PLCE1: variants seen among roughly 807,000 people sequenced by gnomAD.
PLCE1 encodes phospholipase C epsilon 1.
PLCE1 carries 119 observed loss-of-function variants against 242.8 expected under a neutral mutation model. The ratio of observed to expected loss-of-function variants is 0.49; its 90% CI spans 0.42 to 0.57. PLCE1 has a LOEUF of 0.57. PLCE1 is among the 20% of genes least tolerant of loss of function. The pLI is 0.00. For missense variants in PLCE1, 2,441 were observed against 2,788.8 expected (o/e 0.88, Z 2.81); for synonymous variants, 945 against 1,017.4 (o/e 0.93, Z 1.35).
At chr10:94,074,513 T>C (rs2044448780) in intron 2 of PLCE1, among the ~76,000 whole-genome samples, 1 of 152,226 alleles carries the variant, frequency 6.6e-6, no homozygotes, top group African/African-American at 2.4e-5. Flanking sequence ...TTCTACCAGT[T>C]GATCAGAGTT....
At chr10:94,059,049 C>A (rs1050327267) in intron 2 of PLCE1, among the ~76,000 whole-genome samples, 2 of 151,964 alleles carry the variant, frequency 1.3e-5, no homozygotes, top group African/African-American at 4.8e-5. Context: ...TATGTCAGAC[C>A]CACAAAGTTG....
intron 1 of PLCE1, among the ~76,000 whole-genome samples, chr10:94,027,588 A>G (rs1232642652): frequency 1.3e-5 from 2 of 152,124 alleles, no homozygotes; most frequent in African/African-American, 2.4e-5. Context: ...TCGGGAAGCC[A>G]AGGTGGGCGG....
intron 1 of PLCE1, among the ~76,000 whole-genome samples, chr10:94,029,961 T>C (rs1382286776): frequency 3.3e-5 from 5 of 152,186 alleles, no homozygotes; most frequent in African/African-American, 9.6e-5. Context: ...ATTTTTTTGA[T>C]TCCCTCTCTC....
chr10:94,226,379 C>T lies in PLCE1; in HGVS notation c.1810-927C>T, dbSNP rs112746435. 3.2e-3 allele frequency among the ~76,000 whole-genome samples: 482 copies of T among 152,270 alleles called. 1 individual carries two copies. Among genetic ancestry groups the T allele is most frequent in the African/African-American group, 5.1e-3 (211 of 41,558 alleles). ...CAAACCTAGGCTTTGCTACCTTCAA[C>T]GTGGTTGAAGACCTTACACACATCC... On this transcript the variant is annotated intron_variant, in intron 4 of 32. Coordinates refer to ENST00000371380, the MANE Select transcript of PLCE1 (RefSeq NM_016341.4).
Position 94,235,062 on chromosome 10 carries a change from T to TCACACACACACACACA in PLCE1, c.2214+773_2214+788dup, listed in dbSNP as rs3222767. Among the ~76,000 whole-genome samples the TCACACACACACACACA allele has an allele frequency of 2.6e-3, 346 of 135,526 alleles. 1 individual carries two copies. The highest frequency in any genetic ancestry group is 8.4e-3 in the African/African-American group (294 of 35,006). 88.9% of individuals were successfully genotyped at this position (135,526 alleles called of 152,430 possible). A position where few individuals can be genotyped will look rare whatever the true frequency, so the allele number is the denominator to read the frequency against. The stretch of plus-strand genomic sequence containing the variant: ...GATGACAGAACCTACTACTGACCTT[T>TCACACACACACACACA]CACACACACACACACACACACACAC... On this transcript the variant is annotated intron_variant, in intron 6 of 32. Coordinates refer to ENST00000371380, the MANE Select transcript of PLCE1 (RefSeq NM_016341.4).
chr10:94,071,495 GT>G (rs559496577), intron 2 of PLCE1, among the ~76,000 whole-genome samples: 48 of 83,308 alleles, frequency 5.8e-4, no homozygotes, highest in Admixed American at 1.4e-3. Context: ...TTTGGTTTTC[GT>G]TTTTTTTTTT....
chr10:94,250,318 A>G (rs939356366), intron 8 of PLCE1, among the ~76,000 whole-genome samples: 2 of 152,038 alleles, frequency 1.3e-5, no homozygotes, highest in African/African-American at 4.8e-5. Flanking sequence ...CCTGGCCAAC[A>G]TGGTGAAACT....
At position 94,305,430 on chromosome 10, in the gene PLCE1, G is replaced by A. The variant is rs117832048; in HGVS notation, c.5622+785G>A. On this transcript the variant is annotated intron_variant, in intron 25 of 32. Transcript: ENST00000371380. ...AGCCTGTGTGACAGAGTGAGACTCC[G>A]TTTCAACAAAACAAAACAACAACAG... Among the ~76,000 whole-genome samples the A allele has an allele frequency of 1.3e-3, 204 of 152,188 alleles. 7 individuals carry two copies. In the East Asian group the frequency reaches 0.029, roughly 22 times the overall value.
At chr10:94,302,596 T>A (rs1214445271) in intron 24 of PLCE1, among the ~76,000 whole-genome samples, 1 of 152,126 alleles carries the variant, frequency 6.6e-6, no homozygotes, top group Non-Finnish European at 1.5e-5. Flanking sequence ...CACACCCCTA[T>A]AAGATGTACA....
intron 2 of PLCE1, among the ~76,000 whole-genome samples, chr10:94,087,349 C>CAAAAAAA (rs57482986): frequency 3.0e-5 from 2 of 67,500 alleles, no homozygotes; most frequent in Non-Finnish European, 5.7e-5. Context: ...GACCCTGTCT[C>CAAAAAAA]AAAAAAAAAA....
chr10:94,297,429 G>A (rs541415357), intron 23 of PLCE1, among the ~76,000 whole-genome samples: 7 of 151,680 alleles, frequency 4.6e-5, no homozygotes, highest in South Asian at 2.1e-4. Flanking sequence ...AAGATCACTC[G>A]TCACAGATCA....
At chr10:94,002,496 T>A (rs2060950097) in intron 1 of PLCE1, among the ~76,000 whole-genome samples, 1 of 152,234 alleles carries the variant, frequency 6.6e-6, no homozygotes, top group Non-Finnish European at 1.5e-5. Context: ...ATATAAAATA[T>A]ATCACCCATT....
intron 4 of PLCE1, among the ~76,000 whole-genome samples, chr10:94,186,646 C>G (rs1045428474): frequency 1.3e-5 from 2 of 152,106 alleles, no homozygotes; most frequent in Admixed American, 1.3e-4. Context: ...ATCGGGTTGG[C>G]CTAACAGAAC....
At chr10:94,281,781 A>T (rs2052235047) in intron 20 of PLCE1, among the ~76,000 whole-genome samples, 2 of 152,084 alleles carry the variant, frequency 1.3e-5, no homozygotes, top group Non-Finnish European at 2.9e-5. Flanking sequence ...GATCGCTCTG[A>T]CTGGATGATT....
rs1265008421 is a variant in PLCE1, at chr10:94,279,812, G to T, written c.4696G>T (p.Ala1566Ser). ...AHQLASMQVQAYNGGNANPRP... is the reference protein window; with the variant it reads ...AHQLASMQVQSYNGGNANPRP... ...TCAGTTAGCATCTATGCAAGTGCAG[G>T]CTTATAATGGTGGGAATGCCAACCC... The change falls in exon 20 of 33, where the codon GCT (alanine) becomes TCT (serine). Residue 1566 changes from alanine (A) to serine (S), a missense_variant. Around this residue, in one of 5 missense-constraint regions of PLCE1, gnomAD observed 1,004 missense variants for 1,322.7 expected, o/e 0.76. Transcript: ENST00000371380. The T allele has an allele frequency of 1.9e-6, 3 of 1,613,744 alleles. No individual in the cohort carries two copies. The highest frequency in any genetic ancestry group is 2.5e-6 in the Non-Finnish European group (3 of 1,179,766).
chr10:94,171,413 A>G lies in PLCE1; in HGVS notation c.1726A>G (p.Lys576Glu), dbSNP rs778594716. 3.7e-6 allele frequency: 6 copies of G among 1,614,178 alleles called. No individual in the cohort carries two copies. The South Asian group carries it at 4.4e-5, about 12-fold the overall frequency. ...PECQSSLPCL[K>E]ASISASILTT... ...ATGCCAGAGCTCCTTGCCCTGCCTC[A>G]AAGCATCCATCTCAGCGTCGATTCT... The change falls in exon 4 of 33, where the codon AAA becomes GAA. Residue 576 changes from lysine to glutamate, a missense_variant. Lys to Glu is a moderately conservative substitution (Grantham distance 56, BLOSUM62 1). Transcript: ENST00000371380.
intron 25 of PLCE1, among the ~76,000 whole-genome samples, chr10:94,305,845 C>G (rs2053181831): frequency 6.6e-6 from 1 of 152,154 alleles, no homozygotes; most frequent in Non-Finnish European, 1.5e-5. Flanking sequence ...AGAAATTTAA[C>G]TTCATCTTGT....
chr10:94,014,041 C>G (rs1033481671), intron 1 of PLCE1, among the ~76,000 whole-genome samples: 1 of 152,080 alleles, frequency 6.6e-6, no homozygotes, highest in African/African-American at 2.4e-5. Flanking sequence ...CTTGGGAACT[C>G]GTACAAGCAC....
At position 94,293,585 on chromosome 10, in the gene PLCE1, C is replaced by G. The variant is rs1251741271; in HGVS notation, c.5113C>G (p.Pro1705Ala). 1 of 1,613,952 alleles carries G rather than the reference C, an allele frequency of 6.2e-7. No individual in the cohort carries two copies. ...CAGGAAGTCCATTTTTGGCAACAAT[C>G]CGGGCAGAATGAGCCCAGGGGAGAC... is the stretch of plus-strand genomic sequence containing the variant. ...KSRKSIFGNN[P>A]GRMSPGETAS... The change falls in exon 23 of 33, where the codon CCG becomes GCG. Residue 1705 changes from proline to alanine, a missense_variant. Physicochemically the swap from Pro to Ala is conservative, Grantham distance 27. Transcript: ENST00000371380.
Sources: gnomAD v4.1 joint callset for allele counts (sites outside exome capture counted in the v4.1 genomes callset) on GRCh38, gnomAD v4.1.1 for gene constraint, gnomAD v4.1.1 regional missense constraint, MANE v1.5 for transcripts, NCBI Gene and HGNC (gene_info 2026-07-23, HGNC 2026-07-21) for gene names.